Variants in MPPED2 observed in about 807,000 individuals in gnomAD.
MPPED2 encodes the protein metallophosphoesterase MPPED2.
MPPED2 carries 5 observed loss-of-function variants against 33.0 expected under a neutral mutation model. The observed-to-expected ratio is 0.15, with a 90% CI of 0.08 to 0.32. MPPED2 has a LOEUF of 0.32. Ranked by LOEUF, MPPED2 falls within the 10% of genes least tolerant of loss-of-function variation. The pLI is 1.00. For missense variants in MPPED2, 275 were observed against 372.1 expected, an observed-to-expected ratio of 0.74 and a Z score of 2.15; for synonymous variants, 136 against 141.9, an observed-to-expected ratio of 0.96 and a Z score of 0.29.
At position 30,438,512 on chromosome 11, in the gene MPPED2, G is replaced by C. The variant is rs1030662278; in HGVS notation, c.537-20879C>G. ...CACTCTTTCCCTTGACAAGATAATG[G>C]GGTGAGACACTTGGGAATCTATGTG... On this transcript the variant is annotated intron_variant, in intron 4 of 6. Coordinates refer to ENST00000358117, the MANE Select transcript of MPPED2 (RefSeq NM_001584.3). Among the ~76,000 whole-genome samples the C allele has an allele frequency of 2.6e-5, 4 of 152,180 alleles. No individual in the cohort carries two copies. The East Asian group carries it at 7.7e-4, about 29-fold the overall frequency.
At chr11:30,444,546 C>T (rs1311395568) in intron 4 of MPPED2, among the ~76,000 whole-genome samples, 1 of 151,376 alleles carries the variant, frequency 6.6e-6, no homozygotes, top group African/African-American at 2.4e-5. Flanking sequence ...CAAATAAACT[C>T]ACCTCAGGGC....
At chr11:30,543,026 G>A (rs553363064) in intron 2 of MPPED2, among the ~76,000 whole-genome samples, 3 of 152,170 alleles carry the variant, frequency 2.0e-5, no homozygotes, top group African/African-American at 7.2e-5. Flanking sequence ...TCTCTATCCA[G>A]TCATGGATAA....
chr11:30,396,143 G>T (rs1342781063), intron 6 of MPPED2, among the ~76,000 whole-genome samples: 1 of 152,116 alleles, frequency 6.6e-6, no homozygotes, highest in African/African-American at 2.4e-5. Flanking sequence ...AATCCTTGGG[G>T]ACTAAGAAAG....
At chr11:30,427,471 G>T (rs976368384) in intron 4 of MPPED2, among the ~76,000 whole-genome samples, 2 of 152,246 alleles carry the variant, frequency 1.3e-5, no homozygotes, top group Non-Finnish European at 1.5e-5. Flanking sequence ...ACCCAAAGGG[G>T]ACAATTGATA....
At chr11:30,470,873 C>T (rs972638975) in intron 4 of MPPED2, among the ~76,000 whole-genome samples, 2 of 152,116 alleles carry the variant, frequency 1.3e-5, no homozygotes, top group Admixed American at 6.5e-5. Flanking sequence ...CCTGCATAGA[C>T]CAATTTTTAA....
At chr11:30,521,726 C>T (rs1383686213) in intron 3 of MPPED2, among the ~76,000 whole-genome samples, 1 of 152,094 alleles carries the variant, frequency 6.6e-6, no homozygotes, top group East Asian at 1.9e-4. Context: ...AGAAATGAAA[C>T]AAATATAACA....
At chr11:30,582,727 A>G (rs1357375414) in intron 1 of MPPED2, among the ~76,000 whole-genome samples, 1 of 152,224 alleles carries the variant, frequency 6.6e-6, no homozygotes, top group African/African-American at 2.4e-5. Context: ...GCACTTCTAC[A>G]TGGTCCGCTT....
At chr11:30,412,456 C>T (rs999323136) in intron 6 of MPPED2, among the ~76,000 whole-genome samples, 1 of 151,910 alleles carries the variant, frequency 6.6e-6, no homozygotes, top group African/African-American at 2.4e-5. Context: ...TGGTATCAGG[C>T]TCTTATCGCA....
At chr11:30,418,187 C>CG (rs1948458658) in intron 4 of MPPED2, among the ~76,000 whole-genome samples, 1 of 152,104 alleles carries the variant, frequency 6.6e-6, no homozygotes, top group African/African-American at 2.4e-5. Context: ...TGAAAAAATA[C>CG]GGGGGCTCTG....
At chr11:30,497,170 A>C (rs964629543) in intron 3 of MPPED2, among the ~76,000 whole-genome samples, 4 of 152,214 alleles carry the variant, frequency 2.6e-5, no homozygotes, top group Non-Finnish European at 5.9e-5. Context: ...GTTTATGCGA[A>C]TTTGGTAATT....
intron 3 of MPPED2, among the ~76,000 whole-genome samples, chr11:30,512,337 G>T (rs1953258103): frequency 6.6e-6 from 1 of 152,144 alleles, no homozygotes; most frequent in African/African-American, 2.4e-5. Flanking sequence ...AGATGGCCCA[G>T]ATAATGACAT....
rs369208871 is a variant in MPPED2 at position 30,451,120 on chromosome 11, C to T, written c.537-33487G>A. On this transcript the variant is annotated intron_variant, in intron 4 of 6. Transcript: ENST00000358117. ...ACTAGCTGTAGGGGTCTGGGCAAATCGGTTCCCCTCTCTGGGACTAGACTT... is the reference window on the plus strand; with the variant it reads ...ACTAGCTGTAGGGGTCTGGGCAAATTGGTTCCCCTCTCTGGGACTAGACTT... 1.4e-4 allele frequency among the ~76,000 whole-genome samples: 22 copies of T among 152,204 alleles called. 1 individual carries two copies. In the East Asian group the frequency reaches 1.5e-3, roughly 11 times the overall value.
intron 4 of MPPED2, among the ~76,000 whole-genome samples, chr11:30,479,170 G>A (rs945344284): frequency 3.3e-5 from 5 of 151,960 alleles, no homozygotes; most frequent in Admixed American, 2.6e-4. Context: ...CTGGCCAAAA[G>A]GGTGGAAAAA....
At chr11:30,409,101 G>A (rs1054534903), downstream of MPPED2, among the ~76,000 whole-genome samples, 3 of 152,166 alleles carry the variant, frequency 2.0e-5, no homozygotes, top group East Asian at 5.8e-4. Flanking sequence ...CAATTAGTTT[G>A]TGCCCAGACG....
At chr11:30,514,700 G>A (rs188459730) in intron 3 of MPPED2, among the ~76,000 whole-genome samples, 36 of 152,252 alleles carry the variant, frequency 2.4e-4, no homozygotes, top group Non-Finnish European at 4.3e-4. Context: ...TTGATTTGCT[G>A]CCTCTGGCAA....
intron 4 of MPPED2, among the ~76,000 whole-genome samples, chr11:30,433,507 TAAA>T (rs1949177371): frequency 6.6e-6 from 1 of 152,202 alleles, no homozygotes; most frequent in Non-Finnish European, 1.5e-5. Flanking sequence ...AAAAAGAGGC[TAAA>T]GATTTCCAAA....
At chr11:30,554,722 T>G (rs188861967) in intron 2 of MPPED2, among the ~76,000 whole-genome samples, 18 of 152,280 alleles carry the variant, frequency 1.2e-4, no homozygotes, top group Admixed American at 9.8e-4. Context: ...CTTGAACTCC[T>G]GACCTCAAAT....
At chr11:30,430,725 A>ATTTTT (rs1246717117) in intron 4 of MPPED2, among the ~76,000 whole-genome samples, 1 of 152,246 alleles carries the variant, frequency 6.6e-6, no homozygotes, top group Non-Finnish European at 1.5e-5. Flanking sequence ...TGGTTAAAAA[A>ATTTTT]TTTGCCATGA....
chr11:30,397,033 T>A (rs1473870702), intron 6 of MPPED2, among the ~76,000 whole-genome samples: 1 of 152,198 alleles, frequency 6.6e-6, no homozygotes, highest in Non-Finnish European at 1.5e-5. Flanking sequence ...AAGGCTTATA[T>A]TCTGTTCTGT....
Sources: allele counts gnomAD v4.1 joint callset (sites outside exome capture counted in the v4.1 genomes callset), GRCh38; gene constraint gnomAD v4.1.1; transcripts MANE v1.5; gene names NCBI Gene and HGNC (gene_info 2026-07-23, HGNC 2026-07-21).